The following ID4 variants were observed in gnomAD, a reference collection of about 807,000 sequenced individuals.
ID4 encodes inhibitor of DNA binding 4.
A neutral mutation model predicts 8.6 loss-of-function variants in ID4; 9 were observed. The ratio of observed to expected loss-of-function variants is 1.04; its 90% CI spans 0.63 to 1.82. ID4 has a LOEUF of 1.82. Ranked by LOEUF, ID4 falls within the 40% of genes most tolerant of loss-of-function variation. The pLI is 0.00. For synonymous variants in ID4, 180 were observed against 118.0 expected, an observed-to-expected ratio of 1.53 and a Z score of -3.41; for missense variants, 270 against 235.1, an observed-to-expected ratio of 1.15 and a Z score of -0.97.
Position 19,837,378 on chromosome 6 carries a change from A to C in ID4, c.-377A>C, listed in dbSNP as rs1761237431. 2 of 152,036 alleles carry C rather than the reference A, an allele frequency of 1.3e-5. No individual in the cohort carries two copies. The highest frequency in any genetic ancestry group is 2.9e-5 in the Non-Finnish European group (2 of 68,320). 9.4% of individuals were successfully genotyped at this position (152,036 alleles called of 1,614,324 possible). A position where few individuals can be genotyped will look rare whatever the true frequency, so the allele number is the denominator to read the frequency against. Reference sequence around the variant, plus strand: ...TGCGCGGCGGGCCGGGCGAGAGCGTAGTGGAGGAGGCGCGGTTGTGAGTAG... The same window carrying C: ...TGCGCGGCGGGCCGGGCGAGAGCGTCGTGGAGGAGGCGCGGTTGTGAGTAG... On this transcript the variant is annotated 5_prime_UTR_variant, in exon 1 of 3. Transcript: ENST00000378700.
At chr6:19,838,984 C>T in intron 2 of ID4, 1 of 289,730 alleles carries the variant, frequency 3.5e-6, no homozygotes, top group Non-Finnish European at 6.5e-6. Context: ...CAGTCTGTCA[C>T]CCACAAAGGG....
In ID4 at chr6:19,838,631, C is replaced by T. The variant is rs745770958; in HGVS notation, c.*3C>T. 87 of 1,613,736 alleles carry T rather than the reference C, an allele frequency of 5.4e-5. No individual in the cohort carries two copies. The East Asian group carries it at 1.8e-3, about 33-fold the overall frequency. ...GCGACAGCATTCTGTGCCGCTGAGC[C>T]GCGCTGTCCAGGTGAGCGCGCATTT... On this transcript the variant is annotated 3_prime_UTR_variant, in exon 2 of 3. Transcript: ENST00000378700.
In ID4 at chr6:19,837,635, C is replaced by T; in HGVS notation, c.-120C>T. On this transcript the variant is annotated 5_prime_UTR_variant, in exon 1 of 3. Coordinates refer to ENST00000378700, the MANE Select transcript of ID4 (RefSeq NM_001546.4). ...TTGGGCTCGGGAGTGTCGCGGTGCC[C>T]CGAGCGCGCCGGGCGCGGAGGCAAA... 3.1e-6 allele frequency: 2 copies of T among 637,934 alleles called. No homozygotes were observed. Among genetic ancestry groups the T allele is most frequent in the East Asian group, 1.6e-4 (2 of 12,320 alleles). The allele number at this position is 637,934 out of a possible 1,614,324, so 39.5% of individuals were successfully genotyped here.
rs1182465677 is a variant in ID4 at position 19,842,076 on chromosome 6, G to C, written c.*2881G>C. Among the ~76,000 whole-genome samples the C allele has an allele frequency of 2.0e-5, 3 of 152,178 alleles. No homozygotes were observed. The highest frequency in any genetic ancestry group is 4.4e-5 in the Non-Finnish European group (3 of 68,016). ...AAGAACTAATATACTTTGATATTGT[G>C]TAAACCTTACTCAAGTTTATTGTCA... On this transcript the variant is annotated 3_prime_UTR_variant, in exon 3 of 3. Coordinates refer to ENST00000378700, the MANE Select transcript of ID4 (RefSeq NM_001546.4).
At position 19,838,580 on chromosome 6, in the gene ID4, C is replaced by A. The variant is rs770996959; in HGVS notation, c.442-4C>A. On this transcript the variant is annotated splice_region_variant and splice_polypyrimidine_tract_variant and intron_variant, in intron 1 of 2. Transcript: ENST00000378700. ...TTTCCCTTGGTGTTCGGTTGCTGTT[C>A]CAGGCCGGCGCGGTGAACAAGCAGG... 2 of 1,613,958 alleles carry A rather than the reference C, an allele frequency of 1.2e-6. No homozygotes were observed. Among genetic ancestry groups the A allele is most frequent in the Admixed American group, 3.3e-5 (2 of 60,024 alleles).
Position 19,840,169 on chromosome 6 carries a change from GTTTGTT to G in ID4, c.*984_*989del, listed in dbSNP as rs2113467662. The G allele has an allele frequency of 1.3e-5, 2 of 152,250 alleles. No individual in the cohort carries two copies. Among genetic ancestry groups the G allele is most frequent in the South Asian group, 4.2e-4 (2 of 4,812 alleles). 9.4% of individuals were successfully genotyped at this position (152,250 alleles called of 1,614,324 possible). A position where few individuals can be genotyped will look rare whatever the true frequency, so the allele number is the denominator to read the frequency against. On this transcript the variant is annotated 3_prime_UTR_variant, in exon 3 of 3. Transcript: ENST00000378700. The stretch of plus-strand genomic sequence containing the variant: ...ATAGTGTAATATATACAGAGTAAGT[GTTTGTT>G]TTTGTTTTTCAACTGAGGTCAAAAT...
In ID4 at chr6:19,839,429, C is replaced by T. The variant is rs770411984; in HGVS notation, c.*234C>T. 11 of 152,628 alleles carry T rather than the reference C, an allele frequency of 7.2e-5. No homozygotes were observed. The highest frequency in any genetic ancestry group is 1.3e-4 in the Non-Finnish European group (9 of 68,032). The allele number at this position is 152,628 out of a possible 1,614,324, so 9.5% of individuals were successfully genotyped here. A position where few individuals can be genotyped will look rare whatever the true frequency, so the allele number is the denominator to read the frequency against. On this transcript the variant is annotated 3_prime_UTR_variant, in exon 3 of 3. Transcript: ENST00000378700. ...ACATACGTATTCTCTTTTGTCTCTT[C>T]ATTTATAACTGCTGTGAATTGTACA...
intron 1 of ID4, 127 bp from the exon 2 acceptor site, chr6:19,838,457 C>T: frequency 2.3e-6 from 3 of 1,315,550 alleles, no homozygotes; most frequent in African/African-American, 1.5e-5. Context: ...CGGAGGGGCC[C>T]CCCCGGCTAC....
Position 19,838,773 on chromosome 6 carries a change from C to A in ID4, c.*14+131C>A, listed in dbSNP as rs374437301. On this transcript the variant is annotated intron_variant, in intron 2 of 2. Transcript: ENST00000378700. ...GAGCAAACTCCCAAGGAAGTAAATCCCCTCTCTCCCTGCCACCTAAGTAGC... is the reference window on the plus strand; with the variant it reads ...GAGCAAACTCCCAAGGAAGTAAATCACCTCTCTCCCTGCCACCTAAGTAGC... 2.3e-5 allele frequency: 16 copies of A among 702,282 alleles called. No homozygotes were observed. The Admixed American group carries it at 2.5e-4, about 11-fold the overall frequency. 43.5% of individuals were successfully genotyped at this position (702,282 alleles called of 1,614,324 possible).
At position 19,838,215 on chromosome 6, in the gene ID4, C is replaced by A; in HGVS notation, c.441+20C>A. ...GACCCGGTGAGAGGCCGGGCGCCGGCCGTGGGCGGACGCCGCGGGGGATGG... is the reference window on the plus strand; with the variant it reads ...GACCCGGTGAGAGGCCGGGCGCCGGACGTGGGCGGACGCCGCGGGGGATGG... On this transcript the variant is annotated intron_variant, in intron 1 of 2. Transcript: ENST00000378700. 1.5e-6 allele frequency: 2 copies of A among 1,337,016 alleles called. No individual in the cohort carries two copies. Among genetic ancestry groups the A allele is most frequent in the Non-Finnish European group, 1.9e-6 (2 of 1,050,758 alleles). The allele number at this position is 1,337,016 out of a possible 1,614,324, so 82.8% of individuals were successfully genotyped here.
rs1450950272 is a variant in ID4 at position 19,838,146 on chromosome 6, G to A, written c.392G>A (p.Cys131Tyr). The change falls in exon 1 of 3, where the codon TGT (cysteine) becomes TAT (tyrosine). Residue 131 changes from cysteine to tyrosine, a missense_variant. Transcript: ENST00000378700. ...CCGCCACACCACCCGGCCGGGACCT[G>A]TCCAGCCGCGCCGCCGCGGACCCCG... The part of the protein sequence containing the change: ...PAPPHHPAGT[C>Y]PAAPPRTPLT... 5.9e-6 allele frequency: 9 copies of A among 1,534,306 alleles called. No homozygotes were observed. In the East Asian group the frequency reaches 2.0e-4, roughly 35 times the overall value.
Position 19,837,678 on chromosome 6 carries a change from C to A in ID4, c.-77C>A. On this transcript the variant is annotated 5_prime_UTR_variant, in exon 1 of 3. Transcript: ENST00000378700. ...GAGGCAAAGGGAGCGGAGCCGGCCG[C>A]GGACGGGGCCCGGAGCTTGCCTGCC... 1 of 1,010,408 alleles carries A rather than the reference C, an allele frequency of 9.9e-7. No individual in the cohort carries two copies. Among genetic ancestry groups the A allele is most frequent in the Non-Finnish European group, 1.2e-6 (1 of 832,618 alleles). The allele number at this position is 1,010,408 out of a possible 1,614,324, so 62.6% of individuals were successfully genotyped here. A position where few individuals can be genotyped will look rare whatever the true frequency, so the allele number is the denominator to read the frequency against.
chr6:19,838,660 G>A lies in ID4; in HGVS notation c.*14+18G>A. ...CTGTCCAGGTGAGCGCGCATTTCCC[G>A]TCTCGGGTGGCCGGTCACCAGAGAC... On this transcript the variant is annotated intron_variant, in intron 2 of 2. Transcript: ENST00000378700. 1 of 1,609,866 alleles carries A rather than the reference G, an allele frequency of 6.2e-7. No individual in the cohort carries two copies.
chr6:19,837,727 C>G lies in ID4; in HGVS notation c.-28C>G. ...CCTCCCTCGCTCGCCCCAGCGGGTTCGCTCGCGTAGAGCGCAGGGCGCGCG... is the reference window on the plus strand; with the variant it reads ...CCTCCCTCGCTCGCCCCAGCGGGTTGGCTCGCGTAGAGCGCAGGGCGCGCG... On this transcript the variant is annotated 5_prime_UTR_variant, in exon 1 of 3. Transcript: ENST00000378700. 5.4e-6 allele frequency: 6 copies of G among 1,115,694 alleles called. No homozygotes were observed. The highest frequency in any genetic ancestry group is 6.6e-6 in the Non-Finnish European group (6 of 913,404). The allele number at this position is 1,115,694 out of a possible 1,614,324, so 69.1% of individuals were successfully genotyped here.
chr6:19,841,248 G>A lies in ID4; in HGVS notation c.*2053G>A, dbSNP rs949254223. On this transcript the variant is annotated 3_prime_UTR_variant, in exon 3 of 3. Coordinates refer to ENST00000378700, the MANE Select transcript of ID4 (RefSeq NM_001546.4). ...TCAAAGAACTGCTTGTTTAGATGAG[G>A]TTTATTTTTATTTTTGATATTATTC... Among the ~76,000 whole-genome samples the A allele has an allele frequency of 6.6e-6, 1 of 151,908 alleles. No individual in the cohort carries two copies. The highest frequency in any genetic ancestry group is 1.5e-5 in the Non-Finnish European group (1 of 67,958).
rs1026872790 is a variant in ID4 at position 19,840,706 on chromosome 6, C to T, written c.*1511C>T. The T allele has an allele frequency of 6.8e-6, 1 of 146,166 alleles. No individual in the cohort carries two copies. The highest frequency in any genetic ancestry group is 6.8e-5 in the Admixed American group (1 of 14,746). The allele number at this position is 146,166 out of a possible 1,614,324, so 9.1% of individuals were successfully genotyped here. ...TGTACTGTGATTTCTGGTCTCATTT[C>T]TTTAAAACCTTACTCTTATTTTTCT... is the stretch of plus-strand genomic sequence containing the variant. On this transcript the variant is annotated 3_prime_UTR_variant, in exon 3 of 3. Coordinates refer to ENST00000378700, the MANE Select transcript of ID4 (RefSeq NM_001546.4).
chr6:19,838,940 G>A (rs554917331), intron 2 of ID4: 1 of 450,296 alleles, frequency 2.2e-6, no homozygotes, highest in Admixed American at 4.0e-5. Flanking sequence ...GGGCACCCTC[G>A]TGGGCATGGG....
Position 19,837,927 on chromosome 6 carries a change from A to C in ID4, c.173A>C (p.Asp58Ala). ...ARCKAAEAAA[D>A]EPALCLQCDM... ...TGTAAGGCGGCCGAGGCGGCGGCCGACGAGCCGGCGCTGTGCCTGCAGTGC... is the reference window on the plus strand; with the variant it reads ...TGTAAGGCGGCCGAGGCGGCGGCCGCCGAGCCGGCGCTGTGCCTGCAGTGC... Residue 58 changes from aspartate to alanine, a missense_variant, in exon 1 of 3, where the codon GAC becomes GCC. Coordinates refer to ENST00000378700, the MANE Select transcript of ID4 (RefSeq NM_001546.4). The C allele has an allele frequency of 1.4e-6, 2 of 1,438,186 alleles. No homozygotes were observed. Among genetic ancestry groups the C allele is most frequent in the Admixed American group, 4.9e-5 (2 of 40,522 alleles). 89.1% of individuals were successfully genotyped at this position (1,438,186 alleles called of 1,614,324 possible).
chr6:19,838,202 G>C lies in ID4; in HGVS notation c.441+7G>C. 7.4e-7 allele frequency: 1 copy of C among 1,354,894 alleles called. No homozygotes were observed. The highest frequency in any genetic ancestry group is 1.5e-5 in the African/African-American group (1 of 65,106). 83.9% of individuals were successfully genotyped at this position (1,354,894 alleles called of 1,614,324 possible). On this transcript the variant is annotated splice_region_variant and intron_variant, in intron 1 of 2. Transcript: ENST00000378700. ...TGCGCTCAACACCGACCCGGTGAGA[G>C]GCCGGGCGCCGGCCGTGGGCGGACG... is the stretch of plus-strand genomic sequence containing the variant.
Sources: gnomAD v4.1 joint callset for allele counts (sites outside exome capture counted in the v4.1 genomes callset) on GRCh38, gnomAD v4.1.1 for gene constraint, MANE v1.5 for transcripts, NCBI Gene and HGNC (gene_info 2026-07-23, HGNC 2026-07-21) for gene names.